SLC1A3: variants seen among roughly 807,000 people sequenced by gnomAD.
SLC1A3 encodes the protein solute carrier family 1 member 3.
A neutral mutation model predicts 48.1 loss-of-function variants in SLC1A3; 21 were observed. That is an observed-to-expected ratio of 0.44 (90% CI 0.31 to 0.63). SLC1A3 has a LOEUF of 0.63. SLC1A3 is among the 20% of genes least tolerant of loss of function. SLC1A3 has a pLI of 0.08. For missense variants in SLC1A3, 546 were observed against 689.0 expected (o/e 0.79, Z 2.32); for synonymous variants, 239 against 251.4 (o/e 0.95, Z 0.47).
upstream of SLC1A3, among the ~76,000 whole-genome samples, chr5:36,605,309 A>C (rs1738888257): frequency 6.6e-6 from 1 of 152,176 alleles, no homozygotes; most frequent in Non-Finnish European, 1.5e-5. Flanking sequence ...GAGGAAGGGA[A>C]GGGTCACTGA....
At chr5:36,661,625 A>G (rs752418219) in intron 3 of SLC1A3, among the ~76,000 whole-genome samples, 2 of 152,230 alleles carry the variant, frequency 1.3e-5, no homozygotes, top group Non-Finnish European at 2.9e-5. Flanking sequence ...TTTGGCCATA[A>G]GAATCTGCTG....
chr5:36,615,323 A>G (rs1473825054), intron 2 of SLC1A3, among the ~76,000 whole-genome samples: 2 of 152,208 alleles, frequency 1.3e-5, no homozygotes, highest in Non-Finnish European at 2.9e-5. Flanking sequence ...AGTCTAGTTT[A>G]TCTTCCTCTA....
chr5:36,598,249 G>A (rs1738766722), intron 1 of SLC1A3, among the ~76,000 whole-genome samples: 1 of 152,232 alleles, frequency 6.6e-6, no homozygotes, highest in African/African-American at 2.4e-5. Flanking sequence ...CATTGGGAAA[G>A]TGGGAATAAT....
intron 2 of SLC1A3, among the ~76,000 whole-genome samples, chr5:36,627,401 C>G (rs1278726734): frequency 6.6e-6 from 1 of 152,040 alleles, no homozygotes; most frequent in East Asian, 1.9e-4. Flanking sequence ...GAGCATTAAG[C>G]TACCCAGCCA....
rs557465866 is a variant in SLC1A3, at chr5:36,664,325, G to A, written c.320-6704G>A. 1.4e-4 allele frequency among the ~76,000 whole-genome samples: 21 copies of A among 152,112 alleles called. No homozygotes were observed. The South Asian group carries it at 3.9e-3, about 29-fold the overall frequency. ...ATTTTGTATTTTTAGTAGAGACAGG[G>A]TTTCACTATGTTGGCCAGGCTGGTC... On this transcript the variant is annotated intron_variant, in intron 3 of 9. Transcript: ENST00000265113.
intron 3 of SLC1A3, among the ~76,000 whole-genome samples, chr5:36,664,089 G>T (rs1741633350): frequency 6.6e-6 from 1 of 152,164 alleles, no homozygotes. Flanking sequence ...AAACAAAGAT[G>T]GTAGGAAGGG....
At chr5:36,683,449 C>T (rs537718176) in intron 8 of SLC1A3, among the ~76,000 whole-genome samples, 9 of 151,860 alleles carry the variant, frequency 5.9e-5, no homozygotes, top group Admixed American at 2.0e-4. Context: ...TGGCTCATGC[C>T]GGTAATCCCA....
chr5:36,609,743 T>G (rs542646899), intron 2 of SLC1A3, among the ~76,000 whole-genome samples: 1 of 152,318 alleles, frequency 6.6e-6, no homozygotes, highest in South Asian at 2.1e-4. Context: ...TTTAGAGATA[T>G]TCAAAGAGAA....
rs193065795 is a variant in SLC1A3 at position 36,688,115 on chromosome 5, T to A, written c.*1846T>A. The A allele has an allele frequency of 6.6e-6, 1 of 152,340 alleles. No homozygotes were observed. The highest frequency in any genetic ancestry group is 2.4e-5 in the African/African-American group (1 of 41,576). 9.4% of individuals were successfully genotyped at this position (152,340 alleles called of 1,614,324 possible). A position where few individuals can be genotyped will look rare whatever the true frequency, so the allele number is the denominator to read the frequency against. On this transcript the variant is annotated 3_prime_UTR_variant, in exon 10 of 10. Transcript: ENST00000265113. Reference sequence around the variant, plus strand: ...ATGTTAAAGTACGTGGCTGTCCTCTTAAGACACTAGTAGAGCAAAGACTTA... The same window carrying A: ...ATGTTAAAGTACGTGGCTGTCCTCTAAAGACACTAGTAGAGCAAAGACTTA...
chr5:36,607,016 T>C (rs1222248193), intron 1 of SLC1A3: 6 of 144,310 alleles, frequency 4.2e-5, no homozygotes, highest in Admixed American at 3.6e-4. Flanking sequence ...AAGTGACTGG[T>C]AAGAGGAATC....
rs112147984 is a variant in SLC1A3, at chr5:36,644,388, C to T, written c.319+14801C>T. Among the ~76,000 whole-genome samples the T allele has an allele frequency of 6.0e-3, 906 of 152,150 alleles. 6 individuals are homozygous for T. The highest frequency in any genetic ancestry group is 9.3e-3 in the Non-Finnish European group (632 of 67,994). On this transcript the variant is annotated intron_variant, in intron 3 of 9. Coordinates refer to ENST00000265113, the MANE Select transcript of SLC1A3 (RefSeq NM_004172.5). ...CTACACTAAAATAATTGTTGAAATC[C>T]CTTAAAATGTAGATGGTAAACTCAT...
chr5:36,610,111 A>C (rs950456040), intron 2 of SLC1A3, among the ~76,000 whole-genome samples: 1 of 152,220 alleles, frequency 6.6e-6, no homozygotes, highest in East Asian at 1.9e-4. Context: ...CAATTTGCCC[A>C]AAGTGACAAC....
intron 3 of SLC1A3, chr5:36,636,480 TTTCTTTCTTTCTTTC>T (rs1327372102): frequency 6.8e-5 from 9 of 132,380 alleles, no homozygotes; most frequent in African/African-American, 3.3e-4. Context: ...TCTTTCTTTC[TTTCTTTCTTTCTTTC>T]TTTCTTTCTT....
In SLC1A3 at chr5:36,673,220, C is replaced by T. The variant is rs559265062; in HGVS notation, c.525-829C>T. On this transcript the variant is annotated intron_variant, in intron 4 of 9. Transcript: ENST00000265113. ...TAATACTAAAATATAACTTTGATAA[C>T]GTGCAACTGCTGGATTCTTGAGCCT... Among the ~76,000 whole-genome samples the T allele has an allele frequency of 3.2e-3, 488 of 152,266 alleles. 4 individuals carry two copies. Among genetic ancestry groups the T allele is most frequent in the Non-Finnish European group, 4.9e-3 (332 of 68,024 alleles).
At chr5:36,667,150 G>A (rs1426999315) in intron 3 of SLC1A3, among the ~76,000 whole-genome samples, 1 of 152,182 alleles carries the variant, frequency 6.6e-6, no homozygotes, top group Non-Finnish European at 1.5e-5. Context: ...GCTCACAGCA[G>A]CCAGCAAATA....
chr5:36,626,991 C>T (rs987893088), intron 2 of SLC1A3, among the ~76,000 whole-genome samples: 3 of 152,046 alleles, frequency 2.0e-5, no homozygotes, highest in African/African-American at 7.2e-5. Flanking sequence ...AAGAAGAAAT[C>T]ACCTAATAAA....
chr5:36,656,703 A>T (rs770942787), intron 3 of SLC1A3, among the ~76,000 whole-genome samples: 3 of 152,222 alleles, frequency 2.0e-5, no homozygotes, highest in Non-Finnish European at 4.4e-5. Context: ...TGATTTGTAG[A>T]TTGAGTATAG....
chr5:36,644,090 T>C, intron 3 of SLC1A3, among the ~76,000 whole-genome samples: 1 of 151,582 alleles, frequency 6.6e-6, no homozygotes, highest in African/African-American at 2.4e-5. Context: ...TCAGTGAAAA[T>C]AAGTAGTTTT....
intron 3 of SLC1A3, chr5:36,668,958 G>A (rs1741876116): frequency 6.6e-6 from 1 of 152,118 alleles, no homozygotes; most frequent in South Asian, 2.1e-4. Context: ...GCTGTAGGTC[G>A]AGAATAGTGG....
Sources: allele counts gnomAD v4.1 joint callset (sites outside exome capture counted in the v4.1 genomes callset), GRCh38; gene constraint gnomAD v4.1.1; transcripts MANE v1.5; gene names NCBI Gene and HGNC (gene_info 2026-07-23, HGNC 2026-07-21).